Variants in HDAC4 observed in about 807,000 individuals in gnomAD.
HDAC4 encodes the protein histone deacetylase A.
In HDAC4, 16 loss-of-function variants were observed where a neutral mutation model predicts 135.1. The observed-to-expected ratio is 0.12, with a 90% confidence interval of 0.08 to 0.18. The LOEUF (loss-of-function observed/expected upper bound fraction) is 0.18. Among genes scored for constraint, HDAC4 ranks in the 10% least tolerant of loss-of-function variants. HDAC4 has a pLI of 1.00. For synonymous variants in HDAC4, 685 were observed against 653.4 expected, an observed-to-expected ratio of 1.05 and a Z score of -0.74; for missense variants, 1,143 against 1,511.8, an observed-to-expected ratio of 0.76 and a Z score of 4.05.
At chr2:239,291,259 A>G (rs1276343305) in intron 2 of HDAC4, among the ~76,000 whole-genome samples, 2 of 152,230 alleles carry the variant, frequency 1.3e-5, no homozygotes, top group Non-Finnish European at 2.9e-5. Context: ...GTTCCAAGGC[A>G]TGGCTCGCCT....
intron 2 of HDAC4, among the ~76,000 whole-genome samples, chr2:239,292,006 C>G (rs1426509742): frequency 6.6e-6 from 1 of 152,188 alleles, no homozygotes; most frequent in Non-Finnish European, 1.5e-5. Context: ...GACAGCCACG[C>G]CAGGGGCTGC....
intron 2 of HDAC4, among the ~76,000 whole-genome samples, chr2:239,257,140 T>C (rs184010140): frequency 5.9e-5 from 9 of 152,260 alleles, no homozygotes; most frequent in Admixed American, 5.2e-4. Flanking sequence ...TGATTTTCCA[T>C]ATATACTGCT....
At position 239,103,044 on chromosome 2, in the gene HDAC4, G is replaced by A. The variant is rs1575035656; in HGVS notation, c.2113-148C>T. The stretch of plus-strand genomic sequence containing the variant: ...ATGTTATTTGGTTACTGCAAAAGAA[G>A]AAGCAACATCACCCAACGTGATATT... On this transcript the variant is annotated intron_variant, in intron 15 of 26. Transcript: ENST00000543185. 11 of 852,996 alleles carry A rather than the reference G, an allele frequency of 1.3e-5. No homozygotes were observed. The East Asian group carries it at 2.6e-4, about 20-fold the overall frequency. The allele number at this position is 852,996 out of a possible 1,614,324, so 52.8% of individuals were successfully genotyped here.
chr2:239,380,365 A>G (rs569043049), intron 1 of HDAC4, among the ~76,000 whole-genome samples: 110 of 152,312 alleles, frequency 7.2e-4, no homozygotes, highest in South Asian at 1.2e-3. Flanking sequence ...ATACACATTT[A>G]CTATGTATTC....
chr2:239,070,693 G>A (rs986203458), intron 22 of HDAC4, among the ~76,000 whole-genome samples: 9 of 152,332 alleles, frequency 5.9e-5, no homozygotes, highest in African/African-American at 1.9e-4. Context: ...CTGCAATGAC[G>A]GCCCAGGTGC....
intron 1 of HDAC4, among the ~76,000 whole-genome samples, chr2:239,379,035 A>T (rs919293307): frequency 2.0e-5 from 3 of 152,078 alleles, no homozygotes; most frequent in Admixed American, 2.0e-4. Context: ...GTGGGACGGG[A>T]AGGTAAAGAG....
chr2:239,381,948 C>T (rs1375338541), intron 1 of HDAC4, among the ~76,000 whole-genome samples: 10 of 152,254 alleles, frequency 6.6e-5, no homozygotes, highest in Non-Finnish European at 1.5e-4. Context: ...CACACTCCAT[C>T]AGCTGAGACT....
chr2:239,345,330 C>T (rs1404381282), intron 2 of HDAC4, among the ~76,000 whole-genome samples: 1 of 152,120 alleles, frequency 6.6e-6, no homozygotes, highest in Non-Finnish European at 1.5e-5. Context: ...GGCAGGATTG[C>T]TTGAGTCCAG....
In HDAC4 at chr2:239,308,566, C is replaced by T. The variant is rs908139459; in HGVS notation, c.22+44112G>A. On this transcript the variant is annotated intron_variant, in intron 2 of 26. Transcript: ENST00000543185. The surrounding 1 kb of genome is among the most constrained non-coding windows in gnomAD (Gnocchi z 4.2). ...TCCATCCACAGCCAGATACTGCTTC[C>T]GGAACCACACTTCGTATCCAGGTGA... Among the ~76,000 whole-genome samples the T allele has an allele frequency of 4.6e-5, 7 of 152,130 alleles. No homozygotes were observed. The highest frequency in any genetic ancestry group is 1.2e-4 in the African/African-American group (5 of 41,428).
chr2:239,341,822 C>T (rs1692313437), intron 2 of HDAC4, among the ~76,000 whole-genome samples: 1 of 152,124 alleles, frequency 6.6e-6, no homozygotes, highest in African/African-American at 2.4e-5. Context: ...ATGTTGGCGT[C>T]CCCCCCAAAA....
At position 239,141,361 on chromosome 2, in the gene HDAC4, C is replaced by T. The variant is rs1038043037; in HGVS notation, c.866-1565G>A. 2.0e-5 allele frequency among the ~76,000 whole-genome samples: 3 copies of T among 152,162 alleles called. No homozygotes were observed. The highest frequency in any genetic ancestry group is 2.9e-5 in the Non-Finnish European group (2 of 68,020). ...AGCTCAAAAGAGTGTGGGGTCAGCTCACTGTCCTGGGCATTGAGCATGAAT... is the reference window on the plus strand; with the variant it reads ...AGCTCAAAAGAGTGTGGGGTCAGCTTACTGTCCTGGGCATTGAGCATGAAT... On this transcript the variant is annotated intron_variant, in intron 8 of 26. Coordinates refer to ENST00000543185, the MANE Select transcript of HDAC4 (RefSeq NM_001378414.1). The surrounding 1 kb of genome is among the most constrained non-coding windows in gnomAD (Gnocchi z 4.9).
At chr2:239,319,167 C>CA (rs1213682953) in intron 2 of HDAC4, among the ~76,000 whole-genome samples, 1 of 152,078 alleles carries the variant, frequency 6.6e-6, no homozygotes, top group Non-Finnish European at 1.5e-5. Context: ...AAAGTAAGAG[C>CA]AAAAAACCAG....
At chr2:239,197,410 T>A (rs1393839122) in intron 3 of HDAC4, among the ~76,000 whole-genome samples, 1 of 152,178 alleles carries the variant, frequency 6.6e-6, no homozygotes, top group East Asian at 1.9e-4. Flanking sequence ...AGCCGTGTGG[T>A]TTGGTGAAGA....
At chr2:239,124,560 T>C (rs967423812) in intron 12 of HDAC4, among the ~76,000 whole-genome samples, 6 of 150,304 alleles carry the variant, frequency 4.0e-5, no homozygotes, top group African/African-American at 1.5e-4. Context: ...CCACGTTATA[T>C]GACATTCCAG....
rs141298558 is a variant in HDAC4 at position 239,120,205 on chromosome 2, G to C, written c.1534-4895C>G. Among the ~76,000 whole-genome samples, 90 of 152,322 alleles carry C rather than the reference G, an allele frequency of 5.9e-4. No homozygotes were observed. In the East Asian group the frequency reaches 0.016, roughly 28 times the overall value. ...GGATTTGGGAGACAGATCAGAACTG[G>C]AGCAGTACGCAGGTGGAATAAAGTC... On this transcript the variant is annotated intron_variant, in intron 12 of 26. Coordinates refer to ENST00000543185, the MANE Select transcript of HDAC4 (RefSeq NM_001378414.1).
At chr2:239,371,654 C>T (rs571099488) in intron 1 of HDAC4, among the ~76,000 whole-genome samples, 7 of 152,280 alleles carry the variant, frequency 4.6e-5, no homozygotes, top group Admixed American at 2.6e-4. Context: ...AACACACATA[C>T]GCACGGACTC....
intron 2 of HDAC4, among the ~76,000 whole-genome samples, chr2:239,270,721 A>G (rs2050013423): frequency 6.6e-6 from 1 of 152,238 alleles, no homozygotes; most frequent in Admixed American, 6.5e-5. Flanking sequence ...TCATTAAACC[A>G]TCTACTTAAT....
rs2033895297 is a variant in HDAC4, at chr2:239,068,971, C to T, written c.2751-364G>A. The stretch of plus-strand genomic sequence containing the variant: ...GCACTTGCTTGGTGAGAGGGAGTCA[C>T]GGTGCAAGCCAGCAAGCCCCACTGC... On this transcript the variant is annotated intron_variant, in intron 22 of 26. Transcript: ENST00000543185. This position sits in a 1 kb window ranked among gnomAD's most constrained non-coding sequence, Gnocchi z 4.4. 1 of 116 alleles carries T rather than the reference C, an allele frequency of 8.6e-3. No individual in the cohort carries two copies. The highest frequency in any genetic ancestry group is 0.021 in the Non-Finnish European group (1 of 48). The allele number at this position is 116 out of a possible 1,614,324, so 0.0% of individuals were successfully genotyped here.
chr2:239,267,705 G>A (rs979543350), intron 2 of HDAC4, among the ~76,000 whole-genome samples: 1 of 152,260 alleles, frequency 6.6e-6, no homozygotes, highest in African/African-American at 2.4e-5. Context: ...ACGGCAATGG[G>A]GACTCAAATC....
Sources: allele counts gnomAD v4.1 joint callset (sites outside exome capture counted in the v4.1 genomes callset), GRCh38; gene constraint gnomAD v4.1.1; non-coding constraint Gnocchi (gnomAD v3.1); transcripts MANE v1.5; gene names NCBI Gene and HGNC (gene_info 2026-07-23, HGNC 2026-07-21).